Variants in PCDHGA3 observed in about 807,000 individuals in gnomAD.
PCDHGA3 encodes the protein protocadherin gamma-A3.
In PCDHGA3, 40 loss-of-function variants were observed where a neutral mutation model predicts 58.5. The observed-to-expected ratio is 0.68, with a 90% CI of 0.53 to 0.89. The LOEUF (loss-of-function observed/expected upper bound fraction) is 0.89. PCDHGA3 is among the 40% of genes least tolerant of loss of function. The pLI is 0.00. For missense variants in PCDHGA3, 1,223 were observed against 1,195.9 expected (o/e 1.02, Z -0.33); for synonymous variants, 530 against 525.7 (o/e 1.01, Z -0.11).
chr5:141,362,071 G>A (rs1322302295), intron 1 of PCDHGA3: 1 of 1,612,812 alleles, frequency 6.2e-7, no homozygotes, highest in African/African-American at 1.3e-5. Context: ...GCTGGTCGCT[G>A]TGCGTGATGG....
Position 141,346,237 on chromosome 5 carries a change from C to T in PCDHGA3, c.2204C>T (p.Thr735Met), listed in dbSNP as rs769767532. The T allele has an allele frequency of 3.5e-5, 56 of 1,614,130 alleles. No individual in the cohort carries two copies. In the African/African-American group the frequency reaches 6.4e-4, roughly 18 times the overall value. Residue 735 changes from threonine to methionine, a missense_variant, in exon 1 of 4, where the codon ACG becomes ATG. By Grantham distance (81) the Thr-to-Met change is moderately conservative. This residue lies in a region of PCDHGA3 where 325 missense variants were observed against 327.5 expected (regional missense o/e 0.99). Transcript: ENST00000253812. ...LQASGGGLAS[T>M]PGSHFVGADG... Reference sequence around the variant, plus strand: ...GCTTCGGGAGGCGGCTTGGCGAGTACGCCCGGCTCGCACTTTGTGGGCGCG... The same window carrying T: ...GCTTCGGGAGGCGGCTTGGCGAGTATGCCCGGCTCGCACTTTGTGGGCGCG...
intron 1 of PCDHGA3, among the ~76,000 whole-genome samples, chr5:141,444,150 GGAT>G (rs2098419400): frequency 8.8e-6 from 1 of 114,014 alleles, no homozygotes; most frequent in African/African-American, 3.4e-5. Context: ...TGTGTGTACT[GGAT>G]TTTTTTTTTT....
chr5:141,382,880 G>A, intron 1 of PCDHGA3: 1 of 1,526,962 alleles, frequency 6.5e-7, no homozygotes, highest in Non-Finnish European at 8.8e-7. Context: ...CGGCGCCTAA[G>A]CAAGAGAAGC....
chr5:141,476,382 A>G lies in PCDHGA3; in HGVS notation c.2425-18425A>G, dbSNP rs777831089. ...CGGGAGACCGGAGAGATGTTTGTGA[A>G]CGACCGTCTGGATCGAGAGGAGCTG... On this transcript the variant is annotated intron_variant, in intron 1 of 3. Transcript: ENST00000253812. This position sits in a 1 kb window ranked among gnomAD's most constrained non-coding sequence, Gnocchi z 7.6. 3.7e-6 allele frequency: 6 copies of G among 1,613,866 alleles called. No individual in the cohort carries two copies. The East Asian group carries it at 1.3e-4, about 36-fold the overall frequency.
intron 1 of PCDHGA3, chr5:141,439,852 G>A (rs182049678): frequency 1.3e-5 from 2 of 152,474 alleles, no homozygotes; most frequent in African/African-American, 4.8e-5. Context: ...CTGTGGAAAA[G>A]GTGGGGAATG....
At chr5:141,505,852 G>A (rs2099848673) in intron 3 of PCDHGA3, among the ~76,000 whole-genome samples, 1 of 152,140 alleles carries the variant, frequency 6.6e-6, no homozygotes, top group African/African-American at 2.4e-5. Context: ...TAGAAAGTGG[G>A]GACAGGGACC....
chr5:141,357,223 T>A (rs1760512716), intron 1 of PCDHGA3: 1 of 1,613,834 alleles, frequency 6.2e-7, no homozygotes, highest in Non-Finnish European at 8.5e-7. Flanking sequence ...CCTGGCTGAC[T>A]TGGGCAGCCT....
chr5:141,487,709 A>G lies in PCDHGA3; in HGVS notation c.2425-7098A>G. On this transcript the variant is annotated intron_variant, in intron 1 of 3. Coordinates refer to ENST00000253812, the MANE Select transcript of PCDHGA3 (RefSeq NM_018916.4). This position sits in a 1 kb window ranked among gnomAD's most constrained non-coding sequence, Gnocchi z 5.0. ...CCTAGAGAGTACTGGCCTCTCAGTA[A>G]GTGCCCATAGTGATGTCACCATTTT... is the stretch of plus-strand genomic sequence containing the variant. 6.3e-7 allele frequency: 1 copy of G among 1,586,184 alleles called. No individual in the cohort carries two copies. Among genetic ancestry groups the G allele is most frequent in the South Asian group, 1.1e-5 (1 of 87,958 alleles).
intron 3 of PCDHGA3, 134 bp downstream of exon 3, chr5:141,505,615 C>T: frequency 2.0e-6 from 3 of 1,504,946 alleles, no homozygotes; most frequent in Non-Finnish European, 1.8e-6. Flanking sequence ...TCTGAAAGGA[C>T]CCACAATTCC....
At chr5:141,426,334 C>T (rs551131722) in intron 1 of PCDHGA3, 1 of 186,734 alleles carries the variant, frequency 5.4e-6, no homozygotes, top group South Asian at 1.1e-4. Flanking sequence ...GTGGCAAGCA[C>T]TCTTCCCTTT....
At chr5:141,357,729 T>C (rs1760716343) in intron 1 of PCDHGA3, 1 of 1,365,476 alleles carries the variant, frequency 7.3e-7, no homozygotes, top group Non-Finnish European at 9.8e-7. Flanking sequence ...CCTCTTTTAA[T>C]ATTTTATTGC....
chr5:141,474,244 A>G (rs910247549), intron 1 of PCDHGA3, among the ~76,000 whole-genome samples: 26 of 152,270 alleles, frequency 1.7e-4, no homozygotes, highest in Non-Finnish European at 3.2e-4. Context: ...TGAATAGGGG[A>G]AAAAAAGACT....
intron 1 of PCDHGA3, among the ~76,000 whole-genome samples, chr5:141,494,218 T>C (rs1224329242): frequency 1.3e-5 from 2 of 152,222 alleles, no homozygotes; most frequent in South Asian, 2.1e-4. Context: ...CAATCTGGCA[T>C]GACTCCTAAA....
chr5:141,459,939 G>A (rs377668643), intron 1 of PCDHGA3, among the ~76,000 whole-genome samples: 7 of 152,256 alleles, frequency 4.6e-5, no homozygotes, highest in Non-Finnish European at 7.4e-5. Flanking sequence ...GTAGCTGGGC[G>A]TGATGGCAGG....
At chr5:141,389,871 G>A (rs199638280) in intron 1 of PCDHGA3, 73 of 1,613,938 alleles carry the variant, frequency 4.5e-5, no homozygotes, top group Non-Finnish European at 5.8e-5. Flanking sequence ...CCTGGTCTTC[G>A]CCGACAGCTT....
chr5:141,391,206 C>G (rs1004320707), intron 1 of PCDHGA3: 14 of 152,076 alleles, frequency 9.2e-5, no homozygotes, highest in African/African-American at 3.4e-4. Flanking sequence ...TACAAAATAC[C>G]AAGGAACATT....
chr5:141,361,744 C>T, intron 1 of PCDHGA3: 1 of 1,613,118 alleles, frequency 6.2e-7, no homozygotes, highest in Non-Finnish European at 8.5e-7. Context: ...GGCCCGCGAC[C>T]AGGGCTCGCC....
At chr5:141,499,127 A>G (rs1198571084) in intron 2 of PCDHGA3, among the ~76,000 whole-genome samples, 1 of 152,134 alleles carries the variant, frequency 6.6e-6, no homozygotes, top group Non-Finnish European at 1.5e-5. Flanking sequence ...TTCTCAGGTC[A>G]TCCTTTGGGT....
chr5:141,376,578 AT>A (rs1281725359), intron 1 of PCDHGA3: 1 of 1,590,896 alleles, frequency 6.3e-7, no homozygotes, highest in South Asian at 1.1e-5. Flanking sequence ...AGACAGGCTC[AT>A]CAGCTAGATC....
Sources: allele counts gnomAD v4.1 joint callset (sites outside exome capture counted in the v4.1 genomes callset), GRCh38; gene constraint gnomAD v4.1.1; regional missense constraint gnomAD v4.1.1; non-coding constraint Gnocchi (gnomAD v3.1); transcripts MANE v1.5; gene names NCBI Gene and HGNC (gene_info 2026-07-23, HGNC 2026-07-21).